AKAP19: variants seen among roughly 807,000 people sequenced by gnomAD.
AKAP19 encodes the protein A-kinase anchoring protein 19.
At chr2:190,175,659 C>G in the AKAP19 span, among the ~76,000 whole-genome samples, 1 of 152,150 alleles carries the variant, frequency 6.6e-6, no homozygotes, top group Admixed American at 6.5e-5. Context: ...TGATTTTTGT[C>G]TTCCACATAA....
At chr2:190,062,282 A>G in the AKAP19 span, 4 of 1,613,288 alleles carry the variant, frequency 2.5e-6, no homozygotes, top group Non-Finnish European at 3.4e-6. Flanking sequence ...CATCTTCCAA[A>G]GAGCCATCGC....
At chr2:189,944,364 C>T in the AKAP19 span, among the ~76,000 whole-genome samples, 1 of 152,104 alleles carries the variant, frequency 6.6e-6, no homozygotes, top group Non-Finnish European at 1.5e-5. Context: ...TCCCGTTTGC[C>T]TTCCACTATG....
chr2:190,176,203 G>C, the AKAP19 span, among the ~76,000 whole-genome samples: 214 of 152,302 alleles, frequency 1.4e-3, no homozygotes, highest in African/African-American at 4.4e-3. The surrounding 1 kb of genome is among the most constrained non-coding windows in gnomAD (Gnocchi z 4.7). Flanking sequence ...TTTGCAATTT[G>C]ATTCTGGGAA....
the AKAP19 span, among the ~76,000 whole-genome samples, chr2:190,133,668 G>T: frequency 1.3e-5 from 2 of 152,156 alleles, no homozygotes; most frequent in Non-Finnish European, 2.9e-5. Flanking sequence ...CTTAAAAAAG[G>T]GAGTCTTGCC....
the AKAP19 span, among the ~76,000 whole-genome samples, chr2:190,019,823 G>A: frequency 2.0e-5 from 3 of 152,194 alleles, no homozygotes; most frequent in South Asian, 2.1e-4. Flanking sequence ...CAGCCAAAGT[G>A]AAACTATTTC....
the AKAP19 span, among the ~76,000 whole-genome samples, chr2:189,975,947 A>C: frequency 1.3e-5 from 2 of 152,060 alleles, no homozygotes; most frequent in African/African-American, 4.8e-5. Flanking sequence ...TTTAGCTCAG[A>C]GAAGTTTGAT....
At chr2:189,887,481 G>A in the AKAP19 span, among the ~76,000 whole-genome samples, 1 of 152,226 alleles carries the variant, frequency 6.6e-6, no homozygotes, top group Non-Finnish European at 1.5e-5. Context: ...ATAATCCTTT[G>A]GGTGTATACC....
chr2:190,151,308 A>G, the AKAP19 span, among the ~76,000 whole-genome samples: 1 of 152,118 alleles, frequency 6.6e-6, no homozygotes, highest in African/African-American at 2.4e-5. Context: ...CTACCAACCC[A>G]TCATTTAGGT....
the AKAP19 span, among the ~76,000 whole-genome samples, chr2:190,176,998 AT>A: frequency 0.01 from 1,582 of 151,042 alleles, 19 homozygotes; most frequent in African/African-American, 0.036. This position sits in a 1 kb window ranked among gnomAD's most constrained non-coding sequence, Gnocchi z 4.7. Context: ...CCACTAAAAG[AT>A]TTTTTTTTTC....
the AKAP19 span, among the ~76,000 whole-genome samples, chr2:190,036,023 A>T: frequency 6.6e-6 from 1 of 152,234 alleles, no homozygotes; most frequent in Non-Finnish European, 1.5e-5. Context: ...TTTCAGTGAA[A>T]AATTCAGTGC....
the AKAP19 span, among the ~76,000 whole-genome samples, chr2:190,112,718 ATTG>A: frequency 6.6e-6 from 1 of 151,942 alleles, no homozygotes; most frequent in African/African-American, 2.4e-5. Flanking sequence ...ATGTGGTGTT[ATTG>A]TTATTATTAT....
the AKAP19 span, among the ~76,000 whole-genome samples, chr2:190,183,625 G>A: frequency 6.6e-6 from 1 of 151,836 alleles, no homozygotes; most frequent in African/African-American, 2.4e-5. Context: ...TTTTAATTTT[G>A]AATATTAAAA....
the AKAP19 span, among the ~76,000 whole-genome samples, chr2:189,957,100 A>G: frequency 6.6e-6 from 1 of 152,120 alleles, no homozygotes; most frequent in African/African-American, 2.4e-5. Context: ...GCTTAAACCC[A>G]GGAGGTAGAG....
the AKAP19 span, among the ~76,000 whole-genome samples, chr2:190,044,042 C>T: frequency 6.6e-6 from 1 of 152,186 alleles, no homozygotes; most frequent in Admixed American, 6.5e-5. Flanking sequence ...TAGACTCCTG[C>T]TTACTTGTGT....
the AKAP19 span, among the ~76,000 whole-genome samples, chr2:190,105,991 C>G: frequency 3.9e-5 from 6 of 152,272 alleles, 1 homozygote; most frequent in South Asian, 1.2e-3. Flanking sequence ...GAATGAATAA[C>G]AAGGCACTAA....
chr2:189,893,405 A>G, the AKAP19 span, among the ~76,000 whole-genome samples: 4 of 152,206 alleles, frequency 2.6e-5, no homozygotes, highest in Non-Finnish European at 4.4e-5. Flanking sequence ...GGAAAAGCAT[A>G]GTATCTGGGC....
chr2:190,199,721 T>C, the AKAP19 span: 1 of 1,478,582 alleles, frequency 6.8e-7, no homozygotes, highest in South Asian at 1.4e-5. Context: ...TGAAGAGTGG[T>C]GAAAGGGAAC....
the AKAP19 span, among the ~76,000 whole-genome samples, chr2:190,192,061 GTCT>G: frequency 6.6e-6 from 1 of 151,460 alleles, no homozygotes; most frequent in Non-Finnish European, 1.5e-5. Context: ...CAAATGTTTT[GTCT>G]TCTTGTTTTA....
At chr2:190,030,160 T>C in the AKAP19 span, among the ~76,000 whole-genome samples, 9 of 152,212 alleles carry the variant, frequency 5.9e-5, no homozygotes, top group Non-Finnish European at 1.3e-4. Context: ...AATCACCTCA[T>C]GTCCATGTTA....
Sources: gnomAD v4.1 joint callset for allele counts (sites outside exome capture counted in the v4.1 genomes callset) on GRCh38, gnomAD v4.1.1 for gene constraint, Gnocchi (gnomAD v3.1) non-coding constraint, MANE v1.5 for transcripts, NCBI Gene and HGNC (gene_info 2026-07-23, HGNC 2026-07-21) for gene names.